RFTN2: variants seen among roughly 807,000 people sequenced by gnomAD.
RFTN2 encodes raftlin family member 2, also known as raftlin-2.
In RFTN2, 34 loss-of-function variants were observed where a neutral mutation model predicts 52.7. The observed-to-expected ratio is 0.64, with a 90% CI of 0.49 to 0.86. The LOEUF is 0.86. Ranked by LOEUF, RFTN2 falls within the 40% of genes least tolerant of loss-of-function variation. The pLI, the probability that RFTN2 is intolerant of heterozygous loss-of-function variation, is 0.00. For missense variants in RFTN2, 536 were observed against 600.1 expected (o/e 0.89, Z 1.12); for synonymous variants, 203 against 217.7 (o/e 0.93, Z 0.59).
chr2:197,659,477 T>TAA (rs55804577), intron 1 of RFTN2, among the ~76,000 whole-genome samples: 127 of 94,666 alleles, frequency 1.3e-3, no homozygotes, highest in African/African-American at 3.4e-3. Flanking sequence ...CTCCATCTCA[T>TAA]AAAAAAAAAA....
intron 7 of RFTN2, among the ~76,000 whole-genome samples, chr2:197,604,604 CTG>C (rs1559345959): frequency 6.6e-6 from 1 of 152,128 alleles, no homozygotes; most frequent in African/African-American, 2.4e-5. Flanking sequence ...AATGTTATCT[CTG>C]TGTGGAGGAA....
At chr2:197,615,150 A>T (rs1180999732) in intron 7 of RFTN2, among the ~76,000 whole-genome samples, 1 of 152,230 alleles carries the variant, frequency 6.6e-6, no homozygotes, top group Non-Finnish European at 1.5e-5. Flanking sequence ...GAAGTGGGTT[A>T]GACTAAGGAA....
At chr2:197,666,283 C>T (rs950377146) in intron 1 of RFTN2, among the ~76,000 whole-genome samples, 10 of 152,170 alleles carry the variant, frequency 6.6e-5, no homozygotes, top group African/African-American at 2.4e-4. Context: ...CAGGGCTTCA[C>T]CATGTTGGCC....
intron 8 of RFTN2, among the ~76,000 whole-genome samples, chr2:197,593,196 G>C (rs1328995031): frequency 6.6e-6 from 1 of 151,976 alleles, no homozygotes; most frequent in East Asian, 1.9e-4. Flanking sequence ...GAAATATAAA[G>C]ATTACCCAAA....
intron 8 of RFTN2, among the ~76,000 whole-genome samples, chr2:197,577,572 G>A (rs969223495): frequency 5.1e-4 from 78 of 152,196 alleles, no homozygotes; most frequent in African/African-American, 1.7e-3. Context: ...TGGTCAGCAA[G>A]GATACAGTCT....
Position 197,570,497 on chromosome 2 carries a change from G to T in RFTN2, c.*1511C>A, listed in dbSNP as rs1026658570. ...TAATCCCAGCATTTTGGGAGGACAA[G>T]GCAGGCAGATCATGAGGTCAAGAGA... is the stretch of plus-strand genomic sequence containing the variant. On this transcript the variant is annotated 3_prime_UTR_variant, in exon 9 of 9. Coordinates refer to ENST00000295049, the MANE Select transcript of RFTN2 (RefSeq NM_144629.3). The T allele has an allele frequency of 6.6e-6, 1 of 152,244 alleles. No homozygotes were observed. The highest frequency in any genetic ancestry group is 2.4e-5 in the African/African-American group (1 of 41,458). The allele number at this position is 152,244 out of a possible 1,614,324, so 9.4% of individuals were successfully genotyped here. A position where few individuals can be genotyped will look rare whatever the true frequency, so the allele number is the denominator to read the frequency against.
chr2:197,586,134 C>T (rs1053230736), intron 8 of RFTN2, among the ~76,000 whole-genome samples: 3 of 152,336 alleles, frequency 2.0e-5, no homozygotes, highest in Non-Finnish European at 2.9e-5. Context: ...TTATTGCTTA[C>T]GAAGGCACTT....
At chr2:197,585,604 A>T (rs1574681445) in intron 8 of RFTN2, among the ~76,000 whole-genome samples, 1 of 150,588 alleles carries the variant, frequency 6.6e-6, no homozygotes, top group South Asian at 2.1e-4. Context: ...TATCAATCTC[A>T]CTCTCTGCTA....
intron 3 of RFTN2, among the ~76,000 whole-genome samples, chr2:197,636,624 T>C (rs1449541007): frequency 3.2e-4 from 43 of 135,562 alleles, no homozygotes; most frequent in African/African-American, 1.1e-3. Context: ...GCTTATCAGC[T>C]TAAGGAGATT....
chr2:197,636,218 G>A (rs376836627), intron 3 of RFTN2, among the ~76,000 whole-genome samples: 9 of 151,038 alleles, frequency 6.0e-5, no homozygotes, highest in South Asian at 4.2e-4. Context: ...CCTTGGCGAC[G>A]CGGGCTCTTT....
chr2:197,639,439 CT>C (rs1429022251), intron 3 of RFTN2, among the ~76,000 whole-genome samples: 1 of 150,210 alleles, frequency 6.7e-6, no homozygotes, highest in Non-Finnish European at 1.5e-5. Context: ...TTGCTCATTT[CT>C]TTTTATTCTT....
At chr2:197,627,785 G>A (rs2088390088) in intron 5 of RFTN2, among the ~76,000 whole-genome samples, 1 of 152,132 alleles carries the variant, frequency 6.6e-6, no homozygotes, top group Non-Finnish European at 1.5e-5. Flanking sequence ...CTGTTAGAGT[G>A]AGTGTGGAGG....
At chr2:197,654,359 C>A (rs1001022876) in intron 1 of RFTN2, among the ~76,000 whole-genome samples, 1 of 151,990 alleles carries the variant, frequency 6.6e-6, no homozygotes, top group Non-Finnish European at 1.5e-5. Context: ...AGCACCACTG[C>A]ACTCCAGCCT....
rs1184534027 is a variant in RFTN2, at chr2:197,622,641, T to G, written c.929-4720A>C. On this transcript the variant is annotated intron_variant, in intron 5 of 8. Transcript: ENST00000295049. The stretch of plus-strand genomic sequence containing the variant: ...GATTTTCAGCGTCAGTAAAACAACC[T>G]TACAGTGGAAGACGTCATCCAGGAC... Among the ~76,000 whole-genome samples, 3 of 152,240 alleles carry G rather than the reference T, an allele frequency of 2.0e-5. No homozygotes were observed. The East Asian group carries it at 5.8e-4, about 29-fold the overall frequency.
intron 3 of RFTN2, among the ~76,000 whole-genome samples, chr2:197,634,904 A>T (rs1574727743): frequency 1.2e-5 from 1 of 83,712 alleles, no homozygotes; most frequent in Admixed American, 1.6e-4. Context: ...ACCCCACAAC[A>T]GTCCCCAGAG....
intron 8 of RFTN2, among the ~76,000 whole-genome samples, chr2:197,580,447 A>G (rs920385569): frequency 1.3e-5 from 2 of 152,148 alleles, no homozygotes; most frequent in Non-Finnish European, 2.9e-5. Flanking sequence ...GATTCCTCCT[A>G]AGCCATATCC....
rs181593062 is a variant in RFTN2, at chr2:197,605,466, T to C, written c.1155-9397A>G. ...TCCTGACCTCATGATCCGCCCGCCT[T>C]GGCCTCCCAAAGTGCTGAGATTACA... On this transcript the variant is annotated intron_variant, in intron 7 of 8. Transcript: ENST00000295049. 2.0e-3 allele frequency among the ~76,000 whole-genome samples: 306 copies of C among 151,980 alleles called. 1 individual carries two copies. The highest frequency in any genetic ancestry group is 3.3e-3 in the Admixed American group (51 of 15,274).
At chr2:197,640,384 G>C (rs373669027) in intron 3 of RFTN2, among the ~76,000 whole-genome samples, 1 of 152,194 alleles carries the variant, frequency 6.6e-6, no homozygotes, top group Non-Finnish European at 1.5e-5. Flanking sequence ...AGCAATCAGC[G>C]AGACTCCGTG....
At chr2:197,585,931 A>G (rs992568239) in intron 8 of RFTN2, among the ~76,000 whole-genome samples, 6 of 152,054 alleles carry the variant, frequency 3.9e-5, no homozygotes, top group Non-Finnish European at 8.8e-5. Context: ...ACAAACTACT[A>G]TTGCTGTGGC....
Sources: allele counts gnomAD v4.1 joint callset (sites outside exome capture counted in the v4.1 genomes callset), GRCh38; gene constraint gnomAD v4.1.1; transcripts MANE v1.5; gene names NCBI Gene and HGNC (gene_info 2026-07-23, HGNC 2026-07-21).